VAT1L: variants seen among roughly 807,000 people sequenced by gnomAD.
VAT1L encodes putative NADPH-dependent quinone oxidoreductase VAT1L.
A neutral mutation model predicts 44.1 loss-of-function variants in VAT1L; 34 were observed. That is an observed-to-expected ratio of 0.77 (90% CI 0.59 to 1.03). VAT1L has a LOEUF of 1.03. Among genes scored for constraint, VAT1L ranks in the 50% least tolerant of loss-of-function variants. The pLI, the probability that VAT1L is intolerant of heterozygous loss-of-function variation, is 0.00. For missense variants in VAT1L, 615 were observed against 538.8 expected (o/e 1.14, Z -1.40); for synonymous variants, 253 against 202.2 (o/e 1.25, Z -2.13).
At chr16:77,853,839 T>G (rs1326357652) in intron 3 of VAT1L, among the ~76,000 whole-genome samples, 1 of 152,028 alleles carries the variant, frequency 6.6e-6, no homozygotes, top group African/African-American at 2.4e-5. Context: ...CTACTTCTTT[T>G]GGGGATTAAA....
intron 7 of VAT1L, among the ~76,000 whole-genome samples, chr16:77,951,414 C>T (rs1265997344): frequency 5.3e-5 from 8 of 152,104 alleles, no homozygotes; most frequent in Admixed American, 4.6e-4. Flanking sequence ...GGTGTGGTGG[C>T]GGGAGCCTGT....
intron 2 of VAT1L, among the ~76,000 whole-genome samples, chr16:77,818,680 G>T (rs1024002539): frequency 1.3e-5 from 2 of 152,160 alleles, no homozygotes. Flanking sequence ...CTTTCAATAT[G>T]ACTTATCTTT....
intron 7 of VAT1L, among the ~76,000 whole-genome samples, chr16:77,925,663 C>A (rs2017658455): frequency 6.6e-6 from 1 of 152,168 alleles, no homozygotes; most frequent in African/African-American, 2.4e-5. Flanking sequence ...TTCCTAAAAT[C>A]AATTTTGCTT....
intron 7 of VAT1L, among the ~76,000 whole-genome samples, chr16:77,896,315 G>A (rs576524788): frequency 6.8e-4 from 103 of 152,230 alleles, no homozygotes; most frequent in Non-Finnish European, 1.1e-3. Context: ...CCTCCCTCTT[G>A]CCATTATCCC....
intron 7 of VAT1L, among the ~76,000 whole-genome samples, chr16:77,942,642 G>C (rs1649367242): frequency 6.6e-6 from 1 of 152,188 alleles, no homozygotes; most frequent in Admixed American, 6.5e-5. Flanking sequence ...AACATAGAAG[G>C]ATCGAGTTGA....
Position 77,975,194 on chromosome 16 carries a change from C to CTTT in VAT1L, c.1162-2371_1162-2369dup, listed in dbSNP as rs35017686. On this transcript the variant is annotated intron_variant, in intron 8 of 8. Transcript: ENST00000302536. ...GTGCTTTCTCCTACTGGAATGACCA[C>CTTT]TTTTTTTTTTTTTTTTTTTTTTTTT... 5.0e-4 allele frequency among the ~76,000 whole-genome samples: 20 copies of CTTT among 39,860 alleles called. 2 individuals carry two copies. The highest frequency in any genetic ancestry group is 1.7e-3 in the African/African-American group (16 of 9,422). The allele number at this position is 39,860 out of a possible 152,430, so 26.1% of individuals were successfully genotyped here.
At chr16:77,972,941 C>T (rs1000761875) in intron 8 of VAT1L, among the ~76,000 whole-genome samples, 1 of 152,080 alleles carries the variant, frequency 6.6e-6, no homozygotes, top group South Asian at 2.1e-4. Context: ...CTACCTCGGC[C>T]TCCCAGAGTG....
chr16:77,956,758 T>C (rs1202069795), intron 7 of VAT1L, among the ~76,000 whole-genome samples: 4 of 152,222 alleles, frequency 2.6e-5, no homozygotes, highest in Non-Finnish European at 5.9e-5. Context: ...AAGAACACTT[T>C]GGTTGGCAAT....
chr16:77,901,263 A>T (rs1326639552), intron 7 of VAT1L, among the ~76,000 whole-genome samples: 1 of 141,552 alleles, frequency 7.1e-6, no homozygotes, highest in African/African-American at 2.7e-5. Context: ...TCCTGGGTTC[A>T]TGCCATTCTC....
chr16:77,971,747 C>T lies in VAT1L; in HGVS notation c.1078-103C>T, dbSNP rs554184070. On this transcript the variant is annotated intron_variant, in intron 7 of 8. Transcript: ENST00000302536. The stretch of plus-strand genomic sequence containing the variant: ...CTTAGCCACTAAACTTGAGCCGCAG[C>T]GCCCTCTGGTGGTCACTTGACAGTT... 17 of 1,223,492 alleles carry T rather than the reference C, an allele frequency of 1.4e-5. No individual in the cohort carries two copies. The East Asian group carries it at 3.9e-4, about 28-fold the overall frequency. 75.8% of individuals were successfully genotyped at this position (1,223,492 alleles called of 1,614,324 possible).
chr16:77,791,687 C>G (rs536569789), intron 1 of VAT1L, among the ~76,000 whole-genome samples: 10 of 152,260 alleles, frequency 6.6e-5, no homozygotes, highest in African/African-American at 2.2e-4. Context: ...ACTTTCTTTC[C>G]TTTCTCCACC....
chr16:77,904,578 T>G (rs1209169290), intron 7 of VAT1L, among the ~76,000 whole-genome samples: 1 of 152,174 alleles, frequency 6.6e-6, no homozygotes, highest in Non-Finnish European at 1.5e-5. Context: ...TATGACCTCA[T>G]CTAATCCCTA....
Position 77,839,574 on chromosome 16 carries a change from T to C in VAT1L, c.579+14113T>C, listed in dbSNP as rs201429625. Reference sequence around the variant, plus strand: ...AAAAAAAAAAAAAAAAAAAAAAGAATGGGCAAGAACATGAGACCTGGGCAT... The same window carrying C: ...AAAAAAAAAAAAAAAAAAAAAAGAACGGGCAAGAACATGAGACCTGGGCAT... On this transcript the variant is annotated intron_variant, in intron 3 of 8. Coordinates refer to ENST00000302536, the MANE Select transcript of VAT1L (RefSeq NM_020927.3). Among the ~76,000 whole-genome samples, 14 of 74,196 alleles carry C rather than the reference T, an allele frequency of 1.9e-4. No individual in the cohort carries two copies. In the East Asian group the frequency reaches 6.0e-3, roughly 32 times the overall value. 48.7% of individuals were successfully genotyped at this position (74,196 alleles called of 152,430 possible).
At chr16:77,813,441 G>A (rs2016299624) in intron 1 of VAT1L, among the ~76,000 whole-genome samples, 1 of 152,204 alleles carries the variant, frequency 6.6e-6, no homozygotes, top group Non-Finnish European at 1.5e-5. Context: ...AAACACATGT[G>A]TGAAGTAATG....
At chr16:77,880,577 G>T (rs1341595892) in intron 6 of VAT1L, among the ~76,000 whole-genome samples, 7 of 93,068 alleles carry the variant, frequency 7.5e-5, no homozygotes, top group Admixed American at 1.1e-4. Flanking sequence ...TTTTTTCTTC[G>T]CACGTTCCAG....
intron 5 of VAT1L, among the ~76,000 whole-genome samples, chr16:77,878,456 C>T (rs183002348): frequency 1.6e-4 from 25 of 152,112 alleles, no homozygotes; most frequent in Non-Finnish European, 2.9e-4. Flanking sequence ...AGAGCTCTCT[C>T]ATTCCCCCCT....
chr16:77,868,163 G>A (rs1379851840), intron 4 of VAT1L, among the ~76,000 whole-genome samples: 1 of 152,172 alleles, frequency 6.6e-6, no homozygotes, highest in Non-Finnish European at 1.5e-5. Flanking sequence ...ACAATAAAGT[G>A]TTGAAAACCT....
At chr16:77,891,448 G>A (rs2017265138) in intron 7 of VAT1L, among the ~76,000 whole-genome samples, 1 of 152,232 alleles carries the variant, frequency 6.6e-6, no homozygotes, top group South Asian at 2.1e-4. Context: ...TTCCATCGTT[G>A]CAGAAAGTTC....
At chr16:77,955,725 C>CA (rs1341328888) in intron 7 of VAT1L, among the ~76,000 whole-genome samples, 9 of 123,046 alleles carry the variant, frequency 7.3e-5, no homozygotes, top group African/African-American at 2.5e-4. Flanking sequence ...CATATCCCCC[C>CA]CCCCAAAAAA....
Sources: gnomAD v4.1 joint callset for allele counts (sites outside exome capture counted in the v4.1 genomes callset) on GRCh38, gnomAD v4.1.1 for gene constraint, MANE v1.5 for transcripts, NCBI Gene and HGNC (gene_info 2026-07-23, HGNC 2026-07-21) for gene names.